SLBP: variants seen among roughly 807,000 people sequenced by gnomAD.
SLBP encodes histone RNA hairpin-binding protein.
In SLBP, 29 loss-of-function variants were observed where a neutral mutation model predicts 39.2. The observed-to-expected ratio is 0.74, with a 90% CI of 0.55 to 1.01. The LOEUF is 1.01. SLBP is among the 50% of genes least tolerant of loss of function. The pLI is 0.00. For missense variants in SLBP, 390 were observed against 350.2 expected (o/e 1.11, Z -0.91); for synonymous variants, 129 against 118.7 (o/e 1.09, Z -0.57).
chr4:1,710,706 G>A (rs976654318), intron 2 of SLBP, among the ~76,000 whole-genome samples: 2 of 152,040 alleles, frequency 1.3e-5, no homozygotes, highest in South Asian at 2.1e-4. Flanking sequence ...GTTCACCCGT[G>A]GAGATATTTA....
intron 6 of SLBP, 104 bp downstream of exon 6, chr4:1,696,098 T>A: frequency 3.1e-6 from 3 of 979,830 alleles, no homozygotes; most frequent in Non-Finnish European, 4.4e-6. Flanking sequence ...CCCCAACAGC[T>A]GCTGGGGGAC....
Position 1,712,175 on chromosome 4 carries a change from G to A in SLBP, c.14C>T (p.Pro5Leu). Reference protein sequence around the residue: MACRPRSPPRHQSRC... With the variant: MACRLRSPPRHQSRC... ...GCTCTGATGCCTCGGCGGGCTTCGC[G>A]GGCGGCAGGCCATGGCAGCACGGGC... The change falls in exon 1 of 8, where the codon CCG becomes CTG. Residue 5 changes from proline to leucine, a missense_variant. Physicochemically the swap from Pro to Leu is moderately conservative, Grantham distance 98. Transcript: ENST00000489418. The A allele has an allele frequency of 2.4e-6, 3 of 1,236,194 alleles. No homozygotes were observed. The highest frequency in any genetic ancestry group is 2.0e-6 in the Non-Finnish European group (2 of 993,458). 76.6% of individuals were successfully genotyped at this position (1,236,194 alleles called of 1,614,324 possible).
At chr4:1,705,038 C>T (rs1716467885) in intron 2 of SLBP, among the ~76,000 whole-genome samples, 1 of 152,110 alleles carries the variant, frequency 6.6e-6, no homozygotes, top group Admixed American at 6.5e-5. Flanking sequence ...AGCGATTCTC[C>T]TGCCTCAGCC....
chr4:1,696,713 C>A (rs923752988), intron 5 of SLBP, among the ~76,000 whole-genome samples: 3 of 152,092 alleles, frequency 2.0e-5, no homozygotes, highest in African/African-American at 7.2e-5. Context: ...GCTTGGCCAA[C>A]ATGGTGAAAC....
chr4:1,705,308 A>G (rs1001392011), intron 2 of SLBP, among the ~76,000 whole-genome samples: 10 of 152,360 alleles, frequency 6.6e-5, no homozygotes, highest in Middle Eastern at 3.4e-3. Context: ...TGATGAGATT[A>G]CTGATCCATT....
intron 5 of SLBP, 114 bp from the exon 6 acceptor site, chr4:1,696,465 A>G: frequency 1.1e-6 from 1 of 884,414 alleles, no homozygotes; most frequent in East Asian, 3.1e-5. Flanking sequence ...ACAGATCACC[A>G]GGCATGGTGG....
Position 1,695,730 on chromosome 4 carries a change from G to T in SLBP, c.629+472C>A, listed in dbSNP as rs542708882. Among the ~76,000 whole-genome samples the T allele has an allele frequency of 3.3e-5, 5 of 151,994 alleles. No homozygotes were observed. In the South Asian group the frequency reaches 1.0e-3, roughly 32 times the overall value. On this transcript the variant is annotated intron_variant, in intron 6 of 7. Coordinates refer to ENST00000489418, the MANE Select transcript of SLBP (RefSeq NM_006527.4). ...CAGAAGGTGAAGGTTGCAGTGAGCCGGGATCACGCCACTGCACTCCAGCCT... is the reference window on the plus strand; with the variant it reads ...CAGAAGGTGAAGGTTGCAGTGAGCCTGGATCACGCCACTGCACTCCAGCCT...
intron 7 of SLBP, 86 bp from the exon 8 acceptor site, chr4:1,693,799 A>T (rs779387539): frequency 2.5e-6 from 2 of 788,326 alleles, no homozygotes; most frequent in Non-Finnish European, 2.2e-6. Context: ...TTATGTGGTA[A>T]ATCATGTGAT....
At position 1,693,615 on chromosome 4, in the gene SLBP, G is replaced by C. The variant is rs201464390; in HGVS notation, c.795C>G (p.Asp265Glu). ...GGGGCAGTTAGCTCATGGCTGAGAA[G>C]TCTCTCAAGGGTTCAGTTAAACAAG... ...LEACLTEPLR[D>E]FSAMS The change falls in exon 8 of 8, where the codon GAC (aspartate) becomes GAG (glutamate). Residue 265 changes from aspartate (D) to glutamate (E), a missense_variant. Transcript: ENST00000489418. The C allele has an allele frequency of 2.7e-5, 43 of 1,610,570 alleles. No individual in the cohort carries two copies. In the African/African-American group the frequency reaches 4.7e-4, roughly 17 times the overall value.
In SLBP at chr4:1,698,400, G is replaced by C. The variant is rs543113623; in HGVS notation, c.479+1164C>G. On this transcript the variant is annotated intron_variant, in intron 5 of 7. Transcript: ENST00000489418. ...TTCAGCCTAGGTAACAGCAAGACTC[G>C]GTCAGGAGGGAAAAAAAAAAGCACC... Among the ~76,000 whole-genome samples, 6 of 82,662 alleles carry C rather than the reference G, an allele frequency of 7.3e-5. No homozygotes were observed. The East Asian group carries it at 1.6e-3, about 22-fold the overall frequency. 54.2% of individuals were successfully genotyped at this position (82,662 alleles called of 152,430 possible).
chr4:1,697,569 G>A (rs536278282), intron 5 of SLBP, among the ~76,000 whole-genome samples: 23 of 148,784 alleles, frequency 1.5e-4, no homozygotes, highest in South Asian at 8.7e-4. Flanking sequence ...GGCCGGGTGC[G>A]GTGGCTCACA....
At chr4:1,705,811 T>C (rs1716496145) in intron 2 of SLBP, among the ~76,000 whole-genome samples, 1 of 152,166 alleles carries the variant, frequency 6.6e-6, no homozygotes, top group Non-Finnish European at 1.5e-5. Context: ...ATAAAAAGGT[T>C]GGAACGTCAT....
At chr4:1,694,955 G>C (rs574289190) in intron 6 of SLBP, 115 bp from the exon 7 acceptor site, 2 of 729,648 alleles carry the variant, frequency 2.7e-6, no homozygotes, top group Non-Finnish European at 5.1e-6. Context: ...CAGTGTGCCC[G>C]AGGCTCCCTG....
Position 1,693,561 on chromosome 4 carries a change from G to T in SLBP, c.*36C>A. 11 of 1,275,210 alleles carry T rather than the reference G, an allele frequency of 8.6e-6. No individual in the cohort carries two copies. The highest frequency in any genetic ancestry group is 1.3e-5 in the Non-Finnish European group (11 of 871,518). 79.0% of individuals were successfully genotyped at this position (1,275,210 alleles called of 1,614,324 possible). On this transcript the variant is annotated 3_prime_UTR_variant, in exon 8 of 8. Coordinates refer to ENST00000489418, the MANE Select transcript of SLBP (RefSeq NM_006527.4). Reference sequence around the variant, plus strand: ...CTGGCCAGCCTTCCACCTAGTCGGGGAGGAGCTGTTTCTCTTCCTGGCCGC... The same window carrying T: ...CTGGCCAGCCTTCCACCTAGTCGGGTAGGAGCTGTTTCTCTTCCTGGCCGC...
chr4:1,706,819 G>A (rs764963675), intron 2 of SLBP, among the ~76,000 whole-genome samples: 39 of 151,616 alleles, frequency 2.6e-4, no homozygotes, highest in South Asian at 4.2e-4. Flanking sequence ...GAGAGACCCC[G>A]TCTCAAAAAA....
intron 5 of SLBP, among the ~76,000 whole-genome samples, chr4:1,699,031 G>C (rs1011716989): frequency 6.6e-6 from 1 of 151,950 alleles, no homozygotes. Context: ...CAGTCCTCTC[G>C]GCCTCCCAAA....
intron 5 of SLBP, 112 bp downstream of exon 5, chr4:1,699,452 C>A (rs1716242990): frequency 1.4e-5 from 14 of 977,522 alleles, no homozygotes; most frequent in Non-Finnish European, 2.0e-5. Flanking sequence ...TTAAATAGCT[C>A]TTAGCAGGTG....
intron 2 of SLBP, among the ~76,000 whole-genome samples, chr4:1,704,678 A>G (rs1293864515): frequency 6.6e-6 from 1 of 152,112 alleles, no homozygotes; most frequent in African/African-American, 2.4e-5. Flanking sequence ...TGTCATACTG[A>G]GAAGGCTCTG....
Position 1,712,179 on chromosome 4 carries a change from G to A in SLBP, c.10C>T (p.Arg4Cys), listed in dbSNP as rs1340947380. MAC[R>C]PRSPPRHQSR... is the part of the protein sequence containing the mutation. ...TGATGCCTCGGCGGGCTTCGCGGGC[G>A]GCAGGCCATGGCAGCACGGGCCGGG... Residue 4 changes from arginine (R) to cysteine (C), a missense_variant, in exon 1 of 8, where the codon CGC becomes TGC. Transcript: ENST00000489418. 10 of 1,236,776 alleles carry A rather than the reference G, an allele frequency of 8.1e-6. No individual in the cohort carries two copies. Among genetic ancestry groups the A allele is most frequent in the Non-Finnish European group, 9.1e-6 (9 of 994,146 alleles). The allele number at this position is 1,236,776 out of a possible 1,614,324, so 76.6% of individuals were successfully genotyped here.
Sources: gnomAD v4.1 joint callset for allele counts (sites outside exome capture counted in the v4.1 genomes callset) on GRCh38, gnomAD v4.1.1 for gene constraint, MANE v1.5 for transcripts, NCBI Gene and HGNC (gene_info 2026-07-23, HGNC 2026-07-21) for gene names.